The following ENTREP1 variants were observed in gnomAD, a reference collection of about 807,000 sequenced individuals.
ENTREP1 encodes endosomal transmembrane epsin interactor 1.
At chr9:69,341,361 A>C in the ENTREP1 span, among the ~76,000 whole-genome samples, 4 of 152,240 alleles carry the variant, frequency 2.6e-5, no homozygotes, top group African/African-American at 9.6e-5. Flanking sequence ...AGAATAGACA[A>C]GGGTAAATGT....
chr9:69,362,296 A>C, the ENTREP1 span, among the ~76,000 whole-genome samples: 3 of 152,180 alleles, frequency 2.0e-5, no homozygotes, highest in Non-Finnish European at 4.4e-5. Context: ...TGTGACAGGG[A>C]TTATGAAGAA....
At chr9:69,367,848 T>A in the ENTREP1 span, among the ~76,000 whole-genome samples, 19 of 120,002 alleles carry the variant, frequency 1.6e-4, no homozygotes, top group East Asian at 5.0e-4. Flanking sequence ...CATATATATA[T>A]AAATATATAC....
the ENTREP1 span, chr9:69,377,763 C>G: frequency 6.2e-7 from 1 of 1,600,174 alleles, no homozygotes; most frequent in East Asian, 2.2e-5. Flanking sequence ...CCTGAGTTCC[C>G]CTGCAGTCTG....
chr9:69,367,561 G>A, the ENTREP1 span, among the ~76,000 whole-genome samples: 1 of 144,040 alleles, frequency 6.9e-6, no homozygotes, highest in Non-Finnish European at 1.5e-5. Context: ...CTTTCTAGAG[G>A]TCTTTTACCT....
the ENTREP1 span, among the ~76,000 whole-genome samples, chr9:69,343,921 A>G: frequency 6.6e-6 from 1 of 152,328 alleles, no homozygotes; most frequent in Middle Eastern, 3.4e-3. Context: ...GCTTGGACCA[A>G]CCAATGTATA....
the ENTREP1 span, among the ~76,000 whole-genome samples, chr9:69,356,377 A>G: frequency 1.3e-5 from 2 of 152,154 alleles, no homozygotes; most frequent in Non-Finnish European, 2.9e-5. Context: ...ACCTCGTGAT[A>G]TGAGGAACGC....
the ENTREP1 span, among the ~76,000 whole-genome samples, chr9:69,339,271 T>C: frequency 6.6e-6 from 1 of 152,176 alleles, no homozygotes; most frequent in East Asian, 1.9e-4. Flanking sequence ...TCTTCCCACC[T>C]CAGCTTCCCA....
chr9:69,328,622 A>C, the ENTREP1 span, among the ~76,000 whole-genome samples: 1 of 151,550 alleles, frequency 6.6e-6, no homozygotes, highest in African/African-American at 2.4e-5. Flanking sequence ...TTGATAGGAC[A>C]TTGTAACTAA....
chr9:69,374,189 G>C, the ENTREP1 span, among the ~76,000 whole-genome samples: 33 of 152,078 alleles, frequency 2.2e-4, no homozygotes, highest in Non-Finnish European at 4.0e-4. Flanking sequence ...TATTGTATCT[G>C]TTGTTTGTTC....
chr9:69,349,875 T>A, the ENTREP1 span, among the ~76,000 whole-genome samples: 1 of 152,228 alleles, frequency 6.6e-6, no homozygotes, highest in Non-Finnish European at 1.5e-5. Context: ...GTACTGAATA[T>A]GAAAAATGGA....
the ENTREP1 span, among the ~76,000 whole-genome samples, chr9:69,356,202 G>C: frequency 2.0e-5 from 3 of 152,150 alleles, no homozygotes; most frequent in Non-Finnish European, 4.4e-5. Flanking sequence ...GCCTATTCTA[G>C]GTATCGCATA....
At chr9:69,388,166 G>C in the ENTREP1 span, 1 of 1,614,180 alleles carries the variant, frequency 6.2e-7, no homozygotes, top group African/African-American at 1.3e-5. Flanking sequence ...AGCTGCCCCA[G>C]TGCTCAGCTG....
chr9:69,353,032 G>C, the ENTREP1 span, among the ~76,000 whole-genome samples: 3,490 of 152,280 alleles, frequency 0.023, 48 homozygotes, highest in South Asian at 0.051. Flanking sequence ...AGCTATTTAG[G>C]AGGCTGAGGC....
the ENTREP1 span, among the ~76,000 whole-genome samples, chr9:69,390,549 T>A: frequency 6.6e-6 from 1 of 152,250 alleles, no homozygotes; most frequent in African/African-American, 2.4e-5. Flanking sequence ...AGAATCATTC[T>A]TAAAGACTTT....
At chr9:69,344,628 G>A in the ENTREP1 span, among the ~76,000 whole-genome samples, 274 of 152,312 alleles carry the variant, frequency 1.8e-3, no homozygotes, top group Middle Eastern at 3.4e-3. Flanking sequence ...ACGTGCTTAT[G>A]TTTCTGAATG....
At chr9:69,360,086 A>G in the ENTREP1 span, among the ~76,000 whole-genome samples, 1 of 152,024 alleles carries the variant, frequency 6.6e-6, no homozygotes, top group Admixed American at 6.6e-5. Flanking sequence ...TTATTCGGCT[A>G]GTAAGCCAAT....
the ENTREP1 span, among the ~76,000 whole-genome samples, chr9:69,348,606 C>A: frequency 7.9e-5 from 12 of 152,334 alleles, no homozygotes; most frequent in South Asian, 8.3e-4. Context: ...CTGATTTCCT[C>A]TCAATACCTT....
At chr9:69,377,281 A>G in the ENTREP1 span, 1 of 833,638 alleles carries the variant, frequency 1.2e-6, no homozygotes, top group Non-Finnish European at 2.1e-6. Flanking sequence ...TTATGGAGGC[A>G]GCGTTATTAT....
At chr9:69,388,265 C>T in the ENTREP1 span, 109 of 1,614,168 alleles carry the variant, frequency 6.8e-5, no homozygotes, top group African/African-American at 1.4e-3. Context: ...GCGATGCAGA[C>T]CGCGGTCTTT....
Sources: gnomAD v4.1 joint callset for allele counts (sites outside exome capture counted in the v4.1 genomes callset) on GRCh38, gnomAD v4.1.1 for gene constraint, MANE v1.5 for transcripts, NCBI Gene and HGNC (gene_info 2026-07-23, HGNC 2026-07-21) for gene names.